Variants in EIF3H observed in about 807,000 individuals in gnomAD.
EIF3H encodes eIF-3-gamma.
A neutral mutation model predicts 44.2 loss-of-function variants in EIF3H; 26 were observed. The observed-to-expected ratio is 0.59, with a 90% CI of 0.43 to 0.82. The LOEUF is 0.82. EIF3H is among the 40% of genes least tolerant of loss of function. The pLI is 0.00. For missense variants in EIF3H, 359 were observed against 432.8 expected (o/e 0.83, Z 1.51); for synonymous variants, 166 against 151.9 (o/e 1.09, Z -0.68).
rs942838695 is a variant in EIF3H, at chr8:116,657,523, TA to T, written c.458-210del. ...AGGAATACCTCTATCCTACTTACAA[TA>T]GAGTAATTTCCTCTGTCAAAAACTA... On this transcript the variant is annotated intron_variant, in intron 3 of 7. Coordinates refer to ENST00000521861, the MANE Select transcript of EIF3H (RefSeq NM_003756.3). The T allele has an allele frequency of 1.1e-5, 6 of 536,412 alleles. No individual in the cohort carries two copies. In the African/African-American group the frequency reaches 1.2e-4, roughly 10 times the overall value. 33.2% of individuals were successfully genotyped at this position (536,412 alleles called of 1,614,324 possible). A position where few individuals can be genotyped will look rare whatever the true frequency, so the allele number is the denominator to read the frequency against.
intron 2 of EIF3H, among the ~76,000 whole-genome samples, chr8:116,712,745 A>C (rs1814595688): frequency 6.6e-6 from 1 of 152,188 alleles, no homozygotes; most frequent in African/African-American, 2.4e-5. Flanking sequence ...AGAGAGATGA[A>C]TATAAAGCAA....
In EIF3H at chr8:116,657,299, G is replaced by T; in HGVS notation, c.473C>A (p.Ala158Asp). The T allele has an allele frequency of 1.2e-6, 2 of 1,613,178 alleles. No individual in the cohort carries two copies. Among genetic ancestry groups the T allele is most frequent in the Non-Finnish European group, 1.7e-6 (2 of 1,179,320 alleles). Residue 158 changes from alanine (A) to aspartate (D), a missense_variant, in exon 4 of 8, where the codon GCC (alanine) becomes GAC (aspartate). Coordinates refer to ENST00000521861, the MANE Select transcript of EIF3H (RefSeq NM_003756.3). The stretch of plus-strand genomic sequence containing the variant: ...TGCCTTTAGTGAGAGAGATCCTTGG[G>T]CAGTTTTTATGGGATCTCAAACAAG... The part of the protein sequence containing the change: ...VVLIYDPIKT[A>D]QGSLSLKAYR...
chr8:116,732,943 C>G (rs943585676), intron 1 of EIF3H, among the ~76,000 whole-genome samples: 3 of 152,168 alleles, frequency 2.0e-5, no homozygotes, highest in Non-Finnish European at 4.4e-5. Context: ...ACACTATCTT[C>G]CTGGAGTTAG....
At chr8:116,714,507 G>A (rs1186524264) in intron 2 of EIF3H, among the ~76,000 whole-genome samples, 1 of 151,900 alleles carries the variant, frequency 6.6e-6, no homozygotes, top group Non-Finnish European at 1.5e-5. Context: ...TAATTTGCTG[G>A]CTAAATGCTG....
chr8:116,693,829 C>T (rs932984241), intron 2 of EIF3H, among the ~76,000 whole-genome samples: 1 of 152,074 alleles, frequency 6.6e-6, no homozygotes, highest in Non-Finnish European at 1.5e-5. Flanking sequence ...AGGAGTGCAC[C>T]ACCACGTGGC....
In EIF3H at chr8:116,648,889, T is replaced by C; in HGVS notation, c.745A>G (p.Arg249Gly). 1 of 1,612,252 alleles carries C rather than the reference T, an allele frequency of 6.2e-7. No homozygotes were observed. Among genetic ancestry groups the C allele is most frequent in the Non-Finnish European group, 8.5e-7 (1 of 1,179,196 alleles). Residue 249 changes from arginine to glycine, a missense_variant, in exon 6 of 8, where the codon AGA becomes GGA. Physicochemically the swap from Arg to Gly is moderately radical, Grantham distance 125. Transcript: ENST00000521861. ...LGKNLQLLMDRVDEMSQDIVK... is the reference protein window; with the variant it reads ...LGKNLQLLMDGVDEMSQDIVK... ...ATATCTTGGCTCATTTCATCCACTC[T>C]GTCCATCAGCAACTGTAGATTCTTC...
chr8:116,762,871 G>A (rs1815532172), intron 1 of EIF3H, among the ~76,000 whole-genome samples: 2 of 152,224 alleles, frequency 1.3e-5, no homozygotes, highest in African/African-American at 2.4e-5. Flanking sequence ...TTGAACCCAG[G>A]AGGTGGAGGC....
At chr8:116,668,594 C>G (rs1293577402) in intron 2 of EIF3H, among the ~76,000 whole-genome samples, 1 of 152,116 alleles carries the variant, frequency 6.6e-6, no homozygotes, top group Non-Finnish European at 1.5e-5. Flanking sequence ...GGGTACCAGA[C>G]TACTCTGAAT....
chr8:116,741,779 T>C (rs181939259), intron 1 of EIF3H, among the ~76,000 whole-genome samples: 17 of 152,370 alleles, frequency 1.1e-4, no homozygotes, highest in Admixed American at 2.0e-4. Context: ...AGTCAGTATC[T>C]AGACTTTCAT....
intron 1 of EIF3H, among the ~76,000 whole-genome samples, chr8:116,764,122 AG>A (rs1286417603): frequency 2.0e-5 from 3 of 152,230 alleles, no homozygotes; most frequent in Non-Finnish European, 2.9e-5. Flanking sequence ...TACTTACTCC[AG>A]CTGAATGTGG....
chr8:116,651,942 T>C (rs540621646), intron 5 of EIF3H, among the ~76,000 whole-genome samples: 44 of 152,294 alleles, frequency 2.9e-4, no homozygotes, highest in African/African-American at 1.1e-3. Context: ...ATCATTACAA[T>C]TTTGAAAGAG....
chr8:116,766,294 T>C (rs1472802446), upstream of EIF3H: 2 of 306,358 alleles, frequency 6.5e-6, no homozygotes, highest in Non-Finnish European at 1.2e-5. Flanking sequence ...TTCTCGTAAT[T>C]TTCTTTTACC....
chr8:116,762,575 C>T (rs1332655807), intron 1 of EIF3H, among the ~76,000 whole-genome samples: 1 of 152,214 alleles, frequency 6.6e-6, no homozygotes, highest in Non-Finnish European at 1.5e-5. Flanking sequence ...GAATTCCATG[C>T]AACACTTACA....
chr8:116,695,804 A>G (rs200375765), intron 2 of EIF3H, among the ~76,000 whole-genome samples: 1 of 152,296 alleles, frequency 6.6e-6, no homozygotes, highest in Admixed American at 6.5e-5. Flanking sequence ...GAAATAAATT[A>G]GTTACATAAA....
intron 2 of EIF3H, among the ~76,000 whole-genome samples, chr8:116,708,520 AATTAT>A (rs1814510544): frequency 6.6e-6 from 1 of 152,082 alleles, no homozygotes; most frequent in African/African-American, 2.4e-5. Context: ...AATTTCATTC[AATTAT>A]ATTAGGCTAA....
chr8:116,657,318 A>G lies in EIF3H; in HGVS notation c.458-4T>C. 6.2e-7 allele frequency: 1 copy of G among 1,604,648 alleles called. No individual in the cohort carries two copies. Among genetic ancestry groups the G allele is most frequent in the Non-Finnish European group, 8.5e-7 (1 of 1,171,676 alleles). ...CCTTGGGCAGTTTTTATGGGATCTCAAACAAGGAAAGAGAAATAAATTACT... is the reference window on the plus strand; with the variant it reads ...CCTTGGGCAGTTTTTATGGGATCTCGAACAAGGAAAGAGAAATAAATTACT... On this transcript the variant is annotated splice_polypyrimidine_tract_variant and splice_region_variant and intron_variant, in intron 3 of 7. Transcript: ENST00000521861.
At chr8:116,662,803 C>T (rs1222424915) in intron 2 of EIF3H, among the ~76,000 whole-genome samples, 12 of 152,334 alleles carry the variant, frequency 7.9e-5, no homozygotes. Context: ...CATGTATTTA[C>T]CCCTTTGGCC....
At chr8:116,698,200 T>C (rs1366136425) in intron 2 of EIF3H, among the ~76,000 whole-genome samples, 1 of 152,094 alleles carries the variant, frequency 6.6e-6, no homozygotes, top group Non-Finnish European at 1.5e-5. Flanking sequence ...TTTTTAACCA[T>C]GGCTTTAACA....
chr8:116,661,314 A>C lies in EIF3H; in HGVS notation c.290-2334T>G, dbSNP rs147885550. Among the ~76,000 whole-genome samples, 700 of 152,350 alleles carry C rather than the reference A, an allele frequency of 4.6e-3. 3 individuals carry two copies. The highest frequency in any genetic ancestry group is 0.016 in the African/African-American group (664 of 41,588). On this transcript the variant is annotated intron_variant, in intron 2 of 7. Transcript: ENST00000521861. ...TGACAGAACGAGTAAGATTTTAAAA[A>C]ACATTATTTTTAAATCAAAACTTAT...
Sources: gnomAD v4.1 joint callset for allele counts (sites outside exome capture counted in the v4.1 genomes callset) on GRCh38, gnomAD v4.1.1 for gene constraint, MANE v1.5 for transcripts, NCBI Gene and HGNC (gene_info 2026-07-23, HGNC 2026-07-21) for gene names.